The following NLRP14 variants were observed in gnomAD, a reference collection of about 807,000 sequenced individuals.
The protein encoded by NLRP14 is NLR family pyrin domain containing 14.
Under a neutral mutation model 94.7 loss-of-function variants are expected in NLRP14, and 105 were observed. The observed-to-expected ratio is 1.11, with a 90% CI of 0.95 to 1.30. NLRP14 has a LOEUF of 1.30. Ranked by LOEUF, NLRP14 falls within the 50% of genes most tolerant of loss-of-function variation. The pLI is 0.00. For synonymous variants in NLRP14, 508 were observed against 459.9 expected (o/e 1.10, Z -1.34); for missense variants, 1,362 against 1,254.1 (o/e 1.09, Z -1.30).
the NLRP14 span, among the ~76,000 whole-genome samples, chr11:7,087,355 A>G: frequency 5.2e-4 from 79 of 152,266 alleles, no homozygotes; most frequent in East Asian, 0.014. Flanking sequence ...GTAAGCCATC[A>G]TGGAGGTCAG....
At chr11:7,062,742 G>A (rs180712183) in intron 10 of NLRP14, among the ~76,000 whole-genome samples, 2 of 152,080 alleles carry the variant, frequency 1.3e-5, no homozygotes, top group South Asian at 2.1e-4. Flanking sequence ...TACTTAGTAC[G>A]CAAATGGTAC....
At chr11:7,033,907 A>G (rs901205466) in intron 1 of NLRP14, among the ~76,000 whole-genome samples, 1 of 152,204 alleles carries the variant, frequency 6.6e-6, no homozygotes, top group African/African-American at 2.4e-5. Flanking sequence ...AAGGAATATC[A>G]TGGTGGCAAC....
chr11:7,068,776 G>C (rs1256530447), intron 10 of NLRP14, among the ~76,000 whole-genome samples: 1 of 152,050 alleles, frequency 6.6e-6, no homozygotes, highest in African/African-American at 2.4e-5. Context: ...CCAGCCTCAC[G>C]AGTAGCTAGG....
Position 7,038,559 on chromosome 11 carries a change from C to T in NLRP14, c.-21-7C>T, listed in dbSNP as rs1393900764. 2.5e-6 allele frequency: 4 copies of T among 1,610,026 alleles called. No homozygotes were observed. In the Admixed American group the frequency reaches 6.7e-5, roughly 27 times the overall value. ...TGTGCTTTTGGTTATTTTTTTTCCCCCCACAGAGGCCTGAATATTTGGACA... is the reference window on the plus strand; with the variant it reads ...TGTGCTTTTGGTTATTTTTTTTCCCTCCACAGAGGCCTGAATATTTGGACA... On this transcript the variant is annotated splice_region_variant and splice_polypyrimidine_tract_variant and intron_variant, in intron 1 of 11. Coordinates refer to ENST00000299481, the MANE Select transcript of NLRP14 (RefSeq NM_176822.4).
chr11:7,064,791 A>G (rs1233975094), intron 10 of NLRP14, among the ~76,000 whole-genome samples: 4 of 152,140 alleles, frequency 2.6e-5, no homozygotes, highest in African/African-American at 9.7e-5. Context: ...ATGTAGCTGT[A>G]AAGTTCAATT....
chr11:7,027,918 G>T (rs1367568847), intron 1 of NLRP14, among the ~76,000 whole-genome samples: 2 of 152,028 alleles, frequency 1.3e-5, no homozygotes, highest in African/African-American at 4.8e-5. Context: ...CGCTCTTCAG[G>T]TTTTTCCTCT....
Position 7,046,660 on chromosome 11 carries a change from A to C in NLRP14, c.1959-8A>C. Reference sequence around the variant, plus strand: ...ATTGTTTTTCTTTTCTCAATTATTTATGCAAAGGGATGGTGATCGCATTAC... The same window carrying C: ...ATTGTTTTTCTTTTCTCAATTATTTCTGCAAAGGGATGGTGATCGCATTAC... On this transcript the variant is annotated splice_region_variant and splice_polypyrimidine_tract_variant and intron_variant, in intron 4 of 11. Transcript: ENST00000299481. 1.2e-6 allele frequency: 2 copies of C among 1,611,640 alleles called. No homozygotes were observed. The highest frequency in any genetic ancestry group is 1.7e-6 in the Non-Finnish European group (2 of 1,177,734).
chr11:7,036,959 T>C (rs1852170608), intron 1 of NLRP14, among the ~76,000 whole-genome samples: 1 of 152,132 alleles, frequency 6.6e-6, no homozygotes, highest in East Asian at 1.9e-4. Flanking sequence ...CAATTGCTTA[T>C]GAGATTTAGA....
At chr11:7,074,574 T>C (rs1395420411), downstream of NLRP14, among the ~76,000 whole-genome samples, 1 of 152,230 alleles carries the variant, frequency 6.6e-6, no homozygotes, top group Non-Finnish European at 1.5e-5. Flanking sequence ...AAAGGAAAAT[T>C]CTTATATTTC....
At chr11:7,072,272 C>T (rs948395197), downstream of NLRP14, among the ~76,000 whole-genome samples, 12 of 152,228 alleles carry the variant, frequency 7.9e-5, no homozygotes, top group East Asian at 3.8e-4. Context: ...AACTTGGACA[C>T]GTCTGCTGCC....
chr11:7,075,859 C>G (rs989332097), downstream of NLRP14, among the ~76,000 whole-genome samples: 1 of 152,188 alleles, frequency 6.6e-6, no homozygotes, highest in African/African-American at 2.4e-5. Context: ...CTTTGATCAT[C>G]GGGGATCTCC....
intron 8 of NLRP14, 76 bp downstream of exon 8, chr11:7,058,526 A>G (rs1321561694): frequency 9.0e-7 from 1 of 1,116,360 alleles, no homozygotes; most frequent in East Asian, 2.6e-5. Context: ...AAATATTATG[A>G]ACACATTCTG....
downstream of NLRP14, among the ~76,000 whole-genome samples, chr11:7,075,827 A>G (rs1024013): frequency 0.62 from 94,795 of 152,052 alleles, 29,865 homozygotes; most frequent in East Asian, 0.78. Context: ...CAGAAGTTTG[A>G]TCACCCTAGA....
chr11:7,084,243 C>T, the NLRP14 span, among the ~76,000 whole-genome samples: 1 of 152,208 alleles, frequency 6.6e-6, no homozygotes, highest in Admixed American at 6.5e-5. Context: ...AAAGAGTCTA[C>T]CTGCTCCTCC....
At chr11:7,063,237 T>G (rs1371448391) in intron 10 of NLRP14, among the ~76,000 whole-genome samples, 1 of 152,120 alleles carries the variant, frequency 6.6e-6, no homozygotes, top group Non-Finnish European at 1.5e-5. Context: ...CGGTTACTGT[T>G]TCATGGATGC....
chr11:7,035,580 G>A (rs1170948117), intron 1 of NLRP14, among the ~76,000 whole-genome samples: 2 of 152,128 alleles, frequency 1.3e-5, no homozygotes, highest in Non-Finnish European at 2.9e-5. Context: ...CTGAGGCTGG[G>A]AAACTGCTAT....
chr11:7,085,280 T>G, the NLRP14 span, among the ~76,000 whole-genome samples: 1 of 152,236 alleles, frequency 6.6e-6, no homozygotes, highest in African/African-American at 2.4e-5. Flanking sequence ...GTTCACCATC[T>G]TAGCCAGTTT....
chr11:7,079,892 C>T, the NLRP14 span, among the ~76,000 whole-genome samples: 2 of 152,076 alleles, frequency 1.3e-5, no homozygotes, highest in African/African-American at 2.4e-5. Context: ...TGCAGGAATG[C>T]GGTTACACTG....
chr11:7,090,181 T>C, the NLRP14 span: 1 of 1,613,682 alleles, frequency 6.2e-7, no homozygotes. Context: ...TCTCTGTCCA[T>C]GGAAAGGGGC....
Sources: allele counts gnomAD v4.1 joint callset (sites outside exome capture counted in the v4.1 genomes callset), GRCh38; gene constraint gnomAD v4.1.1; transcripts MANE v1.5; gene names NCBI Gene and HGNC (gene_info 2026-07-23, HGNC 2026-07-21).